TRIM33: variants seen among roughly 807,000 people sequenced by gnomAD.
TRIM33 encodes E3 ubiquitin-protein ligase TRIM33.
TRIM33 carries 20 observed loss-of-function variants against 125.4 expected under a neutral mutation model. The observed-to-expected ratio is 0.16, with a 90% CI of 0.11 to 0.23. The LOEUF is 0.23. Ranked by LOEUF, TRIM33 falls within the 10% of genes least tolerant of loss-of-function variation. The pLI is 1.00. For synonymous variants in TRIM33, 564 were observed against 513.9 expected (o/e 1.10, Z -1.32); for missense variants, 920 against 1,411.4 (o/e 0.65, Z 5.58).
At chr1:114,495,481 G>A (rs1337033905) in intron 1 of TRIM33, among the ~76,000 whole-genome samples, 11 of 152,114 alleles carry the variant, frequency 7.2e-5, no homozygotes, top group Non-Finnish European at 1.5e-4. Flanking sequence ...TCTTCCCTCT[G>A]AGAGGATTTT....
At chr1:114,480,431 C>T (rs1397332833) in intron 1 of TRIM33, among the ~76,000 whole-genome samples, 1 of 147,144 alleles carries the variant, frequency 6.8e-6, no homozygotes, top group Non-Finnish European at 1.5e-5. Context: ...GTCCTATGAC[C>T]CTGCCAAATC....
At chr1:114,423,103 C>G (rs567735423) in intron 10 of TRIM33, among the ~76,000 whole-genome samples, 4 of 152,188 alleles carry the variant, frequency 2.6e-5, no homozygotes, top group African/African-American at 9.6e-5. Context: ...AAATGTATAT[C>G]CAAAAGAGTT....
intron 1 of TRIM33, among the ~76,000 whole-genome samples, chr1:114,506,225 T>G (rs1211184966): frequency 6.6e-6 from 1 of 151,700 alleles, no homozygotes; most frequent in African/African-American, 2.4e-5. Context: ...CTACTAAAAA[T>G]ACAAAAAATT....
At chr1:114,421,882 AT>A (rs1647225830) in intron 10 of TRIM33, among the ~76,000 whole-genome samples, 1 of 152,196 alleles carries the variant, frequency 6.6e-6, no homozygotes, top group Non-Finnish European at 1.5e-5. Context: ...ATATGATCTT[AT>A]TTCAGAAGAA....
chr1:114,503,417 G>A (rs1295730431), intron 1 of TRIM33, among the ~76,000 whole-genome samples: 5 of 152,120 alleles, frequency 3.3e-5, no homozygotes, highest in South Asian at 2.1e-4. Context: ...GGCGGAGGTC[G>A]CGGTGAGCCA....
intron 1 of TRIM33, among the ~76,000 whole-genome samples, chr1:114,469,832 G>A (rs574621620): frequency 2.6e-4 from 40 of 152,230 alleles, no homozygotes; most frequent in African/African-American, 9.2e-4. Context: ...TCAATAGAGG[G>A]AGAATAAAGA....
intron 1 of TRIM33, among the ~76,000 whole-genome samples, chr1:114,473,886 T>C (rs1650809487): frequency 6.6e-6 from 1 of 152,174 alleles, no homozygotes; most frequent in Non-Finnish European, 1.5e-5. Flanking sequence ...AAATTAACTA[T>C]ATACTGCTAT....
chr1:114,460,438 C>T (rs1649895688), intron 4 of TRIM33: 1 of 152,090 alleles, frequency 6.6e-6, no homozygotes, highest in African/African-American at 2.4e-5. Context: ...GTCCTTCATG[C>T]TGAGTTCATC....
At chr1:114,490,671 G>A (rs1652007265) in intron 1 of TRIM33, 1 of 152,196 alleles carries the variant, frequency 6.6e-6, no homozygotes, top group South Asian at 2.1e-4. Flanking sequence ...TAAACAAAAT[G>A]TGGTATAGCC....
Position 114,425,737 on chromosome 1 carries a change from A to G in TRIM33, c.1421-14T>C, listed in dbSNP as rs376036013. 7.8e-5 allele frequency: 123 copies of G among 1,566,912 alleles called. 4 individuals are homozygous for G. The East Asian group carries it at 9.9e-4, about 13-fold the overall frequency. ...TTACTAGATTACCTGAAAAATTTAA[A>G]AAATGAGAATTTGCATATAATCAAC... is the stretch of plus-strand genomic sequence containing the variant. On this transcript the variant is annotated splice_polypyrimidine_tract_variant and intron_variant, in intron 8 of 19. Transcript: ENST00000358465.
chr1:114,446,146 G>C (rs1648960196), intron 4 of TRIM33, among the ~76,000 whole-genome samples: 2 of 152,170 alleles, frequency 1.3e-5, no homozygotes, highest in Non-Finnish European at 2.9e-5. Context: ...GTGAGCCACT[G>C]TGCCCAGCTT....
At chr1:114,425,364 A>G in intron 9 of TRIM33, 85 bp downstream of exon 9, 1 of 1,521,788 alleles carries the variant, frequency 6.6e-7, no homozygotes, top group South Asian at 1.3e-5. Flanking sequence ...AGTAACTTTG[A>G]AATGTGTAAC....
At chr1:114,471,929 C>A (rs972641915) in intron 1 of TRIM33, among the ~76,000 whole-genome samples, 2 of 152,096 alleles carry the variant, frequency 1.3e-5, no homozygotes, top group Non-Finnish European at 2.9e-5. Flanking sequence ...AGCTACAAAA[C>A]ACATTTAGTG....
At chr1:114,464,987 G>A (rs1375999850) in intron 1 of TRIM33, among the ~76,000 whole-genome samples, 1 of 152,126 alleles carries the variant, frequency 6.6e-6, no homozygotes, top group Admixed American at 6.5e-5. Context: ...TTTGACTTTA[G>A]CCCAGTGAAA....
At chr1:114,481,620 GAAA>G (rs894190568) in intron 1 of TRIM33, among the ~76,000 whole-genome samples, 4 of 145,082 alleles carry the variant, frequency 2.8e-5, no homozygotes, top group Non-Finnish European at 4.5e-5. Context: ...CAAAAAAAAA[GAAA>G]AAAAACTATA....
In TRIM33 at chr1:114,425,560, A is replaced by T; in HGVS notation, c.1584T>A (p.His528Gln). ...HMQQQVYAQK[H>Q]QQLQQMRMQQ... The stretch of plus-strand genomic sequence containing the variant: ...GCATCCTCATCTGTTGCAACTGCTG[A>T]TGTTTCTGTGCATATACTTGTTGTT... Residue 528 changes from histidine (H) to glutamine (Q), a missense_variant, in exon 9 of 20, where the codon CAT (histidine) becomes CAA (glutamine). This residue lies in a region of TRIM33 where 407 missense variants were observed against 589.7 expected (regional missense o/e 0.69). Transcript: ENST00000358465. The T allele has an allele frequency of 6.2e-7, 1 of 1,614,050 alleles. No homozygotes were observed.
chr1:114,446,058 G>A (rs2101272723), intron 4 of TRIM33, among the ~76,000 whole-genome samples: 1 of 152,224 alleles, frequency 6.6e-6, no homozygotes, highest in African/African-American at 2.4e-5. Flanking sequence ...GTTTCACCAT[G>A]TTGCCCAGAC....
chr1:114,421,382 A>G, intron 11 of TRIM33, 54 bp downstream of exon 11: 1 of 1,505,438 alleles, frequency 6.6e-7, no homozygotes, highest in Non-Finnish European at 9.2e-7. Context: ...TAAATACTCT[A>G]ACTCTGTAAT....
chr1:114,431,277 A>ATGTG (rs1647934917), intron 5 of TRIM33, among the ~76,000 whole-genome samples: 1 of 152,232 alleles, frequency 6.6e-6, no homozygotes, highest in African/African-American at 2.4e-5. Context: ...TCCAAGAACA[A>ATGTG]TGTGCAAAAG....
Sources: gnomAD v4.1 joint callset for allele counts (sites outside exome capture counted in the v4.1 genomes callset) on GRCh38, gnomAD v4.1.1 for gene constraint, gnomAD v4.1.1 regional missense constraint, MANE v1.5 for transcripts, NCBI Gene and HGNC (gene_info 2026-07-23, HGNC 2026-07-21) for gene names.